SPECC1: variants seen among roughly 807,000 people sequenced by gnomAD.
The protein encoded by SPECC1 is sperm antigen with calponin homology and coiled-coil domains 1.
Under a neutral mutation model 104.1 loss-of-function variants are expected in SPECC1, and 62 were observed. That is an observed-to-expected ratio of 0.60 (90% CI 0.49 to 0.74). The LOEUF is 0.74. Among genes scored for constraint, SPECC1 ranks in the 30% least tolerant of loss-of-function variants. The pLI is 0.00. For missense variants in SPECC1, 1,306 were observed against 1,310.5 expected (o/e 1.00, Z 0.05); for synonymous variants, 513 against 501.6 (o/e 1.02, Z -0.30).
chr17:20,119,432 A>G (rs531573720), intron 3 of SPECC1, among the ~76,000 whole-genome samples: 1 of 152,210 alleles, frequency 6.6e-6, no homozygotes, highest in African/African-American at 2.4e-5. Flanking sequence ...GGGTTTCTCC[A>G]TGTTGGTCAG....
chr17:20,124,021 G>A (rs1485164980), intron 3 of SPECC1, among the ~76,000 whole-genome samples: 2 of 152,296 alleles, frequency 1.3e-5, no homozygotes, highest in East Asian at 3.9e-4. Context: ...TTGCTGGGGT[G>A]AGAGTGGAGG....
chr17:20,132,601 C>G (rs930729966), intron 3 of SPECC1, among the ~76,000 whole-genome samples: 1 of 148,686 alleles, frequency 6.7e-6, no homozygotes, highest in African/African-American at 2.5e-5. Context: ...ATTTCAAATT[C>G]AAATTTCCCT....
At chr17:20,075,713 A>C (rs1190660308) in intron 1 of SPECC1, among the ~76,000 whole-genome samples, 2 of 152,272 alleles carry the variant, frequency 1.3e-5, no homozygotes, top group Non-Finnish European at 2.9e-5. Context: ...TGGGAGGCTG[A>C]AACAGGTAGA....
intron 1 of SPECC1, among the ~76,000 whole-genome samples, chr17:20,039,797 T>C (rs2152452265): frequency 6.6e-6 from 1 of 152,258 alleles, no homozygotes; most frequent in East Asian, 1.9e-4. Context: ...CCTCAGGTGA[T>C]CCACCCGCCT....
chr17:20,156,296 C>T (rs898340104), intron 3 of SPECC1: 2 of 1,308,212 alleles, frequency 1.5e-6, no homozygotes, highest in East Asian at 3.1e-5. Context: ...TCCAGGCGCC[C>T]TTCCCCCACC....
At chr17:20,016,729 C>T (rs751109650) in intron 1 of SPECC1, among the ~76,000 whole-genome samples, 6 of 152,210 alleles carry the variant, frequency 3.9e-5, no homozygotes, top group African/African-American at 1.2e-4. Flanking sequence ...GGCTCCTGTG[C>T]GGCCCGAGCC....
At chr17:20,287,624 C>T (rs956439048) in intron 12 of SPECC1, among the ~76,000 whole-genome samples, 17 of 152,148 alleles carry the variant, frequency 1.1e-4, no homozygotes, top group African/African-American at 4.1e-4. Context: ...TGAAAGCACA[C>T]CCCAGTTACT....
chr17:20,209,411 G>C (rs1161680736), intron 4 of SPECC1, among the ~76,000 whole-genome samples: 1 of 152,126 alleles, frequency 6.6e-6, no homozygotes, highest in Non-Finnish European at 1.5e-5. Flanking sequence ...TTCAAGTTAA[G>C]ATTACTCAAG....
chr17:20,135,298 A>G (rs1490449310), intron 3 of SPECC1, among the ~76,000 whole-genome samples: 4 of 152,200 alleles, frequency 2.6e-5, no homozygotes, highest in African/African-American at 7.2e-5. Context: ...TTCCCCCTCA[A>G]CAGTGGAATC....
At chr17:20,079,808 CGAAGCTGCCATTGGGGGCTGT>C (rs2046896705) in intron 1 of SPECC1, among the ~76,000 whole-genome samples, 1 of 152,094 alleles carries the variant, frequency 6.6e-6, no homozygotes, top group Non-Finnish European at 1.5e-5. Context: ...ATGGTGGCTG[CGAAGCTGCCATTGGGGGCTGT>C]GGTGGAGAGT....
chr17:20,191,920 A>C (rs956532043), intron 3 of SPECC1, among the ~76,000 whole-genome samples: 2 of 151,780 alleles, frequency 1.3e-5, no homozygotes, highest in Non-Finnish European at 2.9e-5. Flanking sequence ...TTCCATTTTT[A>C]GTCAGGTGTT....
chr17:20,134,001 G>A (rs1387261690), intron 3 of SPECC1, among the ~76,000 whole-genome samples: 1 of 151,842 alleles, frequency 6.6e-6, no homozygotes, highest in Admixed American at 6.6e-5. Flanking sequence ...AGGGTTACAA[G>A]ATTATATATT....
chr17:20,084,297 A>T (rs9896411), intron 1 of SPECC1, among the ~76,000 whole-genome samples: 75,348 of 151,776 alleles, frequency 0.5, 19,263 homozygotes, highest in Middle Eastern at 0.6. Context: ...GGCACAGTGG[A>T]GGGCACTTGT....
chr17:20,285,219 C>G (rs996127170), intron 12 of SPECC1, among the ~76,000 whole-genome samples: 1 of 152,234 alleles, frequency 6.6e-6, no homozygotes, highest in East Asian at 1.9e-4. Flanking sequence ...TTGCTTTGCC[C>G]TGTCCTGCTG....
In SPECC1 at chr17:20,175,991, T is replaced by C. The variant is rs189370012; in HGVS notation, c.284-28342T>C. 1.2e-4 allele frequency among the ~76,000 whole-genome samples: 19 copies of C among 152,360 alleles called. No homozygotes were observed. In the East Asian group the frequency reaches 3.7e-3, roughly 29 times the overall value. On this transcript the variant is annotated intron_variant, in intron 3 of 14. Transcript: ENST00000395527. ...TAAATGAATTAGGCCTGATTTAAAC[T>C]ATATTCAGCCCCCTTGGCTTATGTA...
chr17:20,245,981 GGTGTCTGT>G lies in SPECC1; in HGVS notation c.2410_2417del (p.Val804Ter), dbSNP rs776747502. 2 of 1,614,118 alleles carry G rather than the reference GGTGTCTGT, an allele frequency of 1.2e-6. No individual in the cohort carries two copies. The highest frequency in any genetic ancestry group is 1.7e-6 in the Non-Finnish European group (2 of 1,180,022). On this transcript the variant is annotated frameshift_variant, in exon 8 of 15. Coordinates refer to ENST00000395527, the MANE Select transcript of SPECC1 (RefSeq NM_001243439.2). LOFTEE classifies it high-confidence loss of function. Reference sequence around the variant, plus strand: ...GGTCGATGCTGCTGGTCGGTGGCCTGGTGTCTGTGTTAGCAGAACATCTCCAACACCCC... The same window carrying G: ...GGTCGATGCTGCTGGTCGGTGGCCTGGTTAGCAGAACATCTCCAACACCCC...
At chr17:20,189,740 T>A (rs1338322277) in intron 3 of SPECC1, among the ~76,000 whole-genome samples, 1 of 152,120 alleles carries the variant, frequency 6.6e-6, no homozygotes, top group Non-Finnish European at 1.5e-5. Context: ...GCATGAGTAT[T>A]TGGGAAACAG....
At chr17:20,107,165 A>G (rs541169211) in intron 2 of SPECC1, among the ~76,000 whole-genome samples, 140 of 148,764 alleles carry the variant, frequency 9.4e-4, no homozygotes, top group African/African-American at 2.8e-3. Flanking sequence ...AAAAAAAAAA[A>G]AAAAGAAAAG....
chr17:20,212,958 T>C (rs2037252975), intron 4 of SPECC1, among the ~76,000 whole-genome samples: 1 of 152,224 alleles, frequency 6.6e-6, no homozygotes, highest in Non-Finnish European at 1.5e-5. Context: ...CTTATTTATC[T>C]TAATTTTATG....
Sources: allele counts gnomAD v4.1 joint callset (sites outside exome capture counted in the v4.1 genomes callset), GRCh38; gene constraint gnomAD v4.1.1; transcripts MANE v1.5; gene names NCBI Gene and HGNC (gene_info 2026-07-23, HGNC 2026-07-21).